The following THRB variants were observed in gnomAD, a reference collection of about 807,000 sequenced individuals.
THRB encodes the protein nuclear receptor subfamily 1 group A member 2.
Under a neutral mutation model 47.8 loss-of-function variants are expected in THRB, and 12 were observed. That is an observed-to-expected ratio of 0.25 (90% CI 0.16 to 0.41). THRB has a LOEUF of 0.41. Among genes scored for constraint, THRB ranks in the 10% least tolerant of loss-of-function variants. The probability of loss-of-function intolerance (pLI) is 1.00; values close to 1 mark genes in which losing one functional copy is unlikely to be tolerated. For synonymous variants in THRB, 218 were observed against 212.2 expected, an observed-to-expected ratio of 1.03 and a Z score of -0.24; for missense variants, 348 against 589.2, an observed-to-expected ratio of 0.59 and a Z score of 4.24.
intron 2 of THRB, among the ~76,000 whole-genome samples, chr3:24,328,684 C>T (rs1252424512): frequency 2.6e-5 from 4 of 152,182 alleles, no homozygotes; most frequent in Admixed American, 1.3e-4. Flanking sequence ...ACTGCCCTAG[C>T]GCAGCCCTCA....
At chr3:24,366,714 G>C (rs558216588) in intron 1 of THRB, among the ~76,000 whole-genome samples, 2 of 148,470 alleles carry the variant, frequency 1.3e-5, no homozygotes, top group African/African-American at 5.0e-5. Flanking sequence ...TCAGCCTCCC[G>C]GGTTCAAGCA....
At chr3:24,391,787 T>C (rs1303707134) in intron 1 of THRB, among the ~76,000 whole-genome samples, 1 of 152,170 alleles carries the variant, frequency 6.6e-6, no homozygotes, top group Non-Finnish European at 1.5e-5. Flanking sequence ...ATTGTCATCA[T>C]CATCACCATT....
chr3:24,221,783 G>T (rs368846550), intron 4 of THRB, among the ~76,000 whole-genome samples: 69 of 152,312 alleles, frequency 4.5e-4, no homozygotes, highest in Non-Finnish European at 8.2e-4. Flanking sequence ...TCTAAGAGTT[G>T]CTGGGAGATT....
At chr3:24,414,586 C>T (rs2068589450) in intron 1 of THRB, among the ~76,000 whole-genome samples, 1 of 151,832 alleles carries the variant, frequency 6.6e-6, no homozygotes, top group Non-Finnish European at 1.5e-5. Context: ...AATATTGCCG[C>T]TTCAGGATAT....
chr3:24,296,922 CA>C (rs1388259942), intron 3 of THRB, among the ~76,000 whole-genome samples: 1 of 152,190 alleles, frequency 6.6e-6, no homozygotes, highest in Non-Finnish European at 1.5e-5. Flanking sequence ...TAAAATGATT[CA>C]AACTTTGGGT....
At chr3:24,297,719 C>T (rs1416660530) in intron 2 of THRB, among the ~76,000 whole-genome samples, 1 of 152,212 alleles carries the variant, frequency 6.6e-6, no homozygotes, top group East Asian at 1.9e-4. Context: ...TTTTAGAGAG[C>T]TGTTCCACAC....
At position 24,117,888 on chromosome 3, in the gene THRB, A is replaced by G. The variant is rs981440598; in HGVS notation, c.*4996T>C. 1.1e-4 allele frequency: 17 copies of G among 152,236 alleles called. No individual in the cohort carries two copies. The highest frequency in any genetic ancestry group is 2.1e-4 in the Non-Finnish European group (14 of 68,044). 9.4% of individuals were successfully genotyped at this position (152,236 alleles called of 1,614,324 possible). On this transcript the variant is annotated 3_prime_UTR_variant, in exon 11 of 11. Coordinates refer to ENST00000646209, the MANE Select transcript of THRB (RefSeq NM_001354712.2). Reference sequence around the variant, plus strand: ...ATATATGTTGGCAGCTGATGTTAACATAATTCCATTAGTAATATTCCTGAA... The same window carrying G: ...ATATATGTTGGCAGCTGATGTTAACGTAATTCCATTAGTAATATTCCTGAA...
At chr3:24,425,924 A>G (rs2069716080) in intron 1 of THRB, among the ~76,000 whole-genome samples, 1 of 151,980 alleles carries the variant, frequency 6.6e-6, no homozygotes, top group Non-Finnish European at 1.5e-5. Flanking sequence ...AGAGTTAAGC[A>G]CACAGATTTC....
intron 1 of THRB, among the ~76,000 whole-genome samples, chr3:24,341,584 T>C (rs1478538345): frequency 6.6e-6 from 1 of 152,152 alleles, no homozygotes; most frequent in African/African-American, 2.4e-5. Flanking sequence ...ATAGGCACAA[T>C]ACTTTACCCC....
At chr3:24,218,337 TCTC>T (rs1330141255) in intron 4 of THRB, among the ~76,000 whole-genome samples, 307 of 108,174 alleles carry the variant, frequency 2.8e-3, no homozygotes, top group Admixed American at 4.1e-3. Context: ...TCTCTCTCTC[TCTC>T]TCTTTTTTTT....
chr3:24,207,645 T>C (rs547402935), intron 4 of THRB, among the ~76,000 whole-genome samples: 34 of 152,182 alleles, frequency 2.2e-4, no homozygotes, highest in African/African-American at 7.2e-4. Context: ...AATCATATAG[T>C]GCAGAAACCC....
Position 24,127,737 on chromosome 3 carries a change from G to T in THRB, c.906C>A (p.Ile302=). 6.2e-7 allele frequency: 1 copy of T among 1,614,214 alleles called. No homozygotes were observed. The highest frequency in any genetic ancestry group is 2.2e-5 in the East Asian group (1 of 44,878). ...MFCELPCEDQ[I]ILLKGCCMEI... The stretch of plus-strand genomic sequence containing the variant: ...CCATGCAGCAGCCTTTGAGGAGGAT[G>T]ATCTGGTCTTCACATGGCAGCTGAA... Residue 302 remains isoleucine (I), a synonymous_variant, in exon 10 of 11, where the codon ATC becomes ATA. Coordinates refer to ENST00000646209, the MANE Select transcript of THRB (RefSeq NM_001354712.2).
At chr3:24,146,859 T>C in intron 6 of THRB, 37 bp from the exon 7 acceptor site, 1 of 1,603,066 alleles carries the variant, frequency 6.2e-7, no homozygotes. Flanking sequence ...AACAGTTTCA[T>C]ATTTTCTTGA....
At chr3:24,347,849 G>C (rs1157243481) in intron 1 of THRB, among the ~76,000 whole-genome samples, 1 of 152,000 alleles carries the variant, frequency 6.6e-6, no homozygotes, top group Non-Finnish European at 1.5e-5. Flanking sequence ...TACTCACACA[G>C]TATTCTCTGG....
intron 1 of THRB, among the ~76,000 whole-genome samples, chr3:24,438,083 A>G (rs2071152123): frequency 4.4e-5 from 1 of 22,472 alleles, no homozygotes; most frequent in Admixed American, 9.2e-4. Flanking sequence ...TGGGGCAGGC[A>G]CAATTTTTTT....
chr3:24,376,858 T>TA (rs994679942), intron 1 of THRB, among the ~76,000 whole-genome samples: 4 of 152,144 alleles, frequency 2.6e-5, no homozygotes, highest in African/African-American at 9.6e-5. Context: ...CACCATAAAA[T>TA]AAAAAATTAC....
chr3:24,233,591 G>GAAAGAAAAAT (rs1559684327), intron 3 of THRB, among the ~76,000 whole-genome samples: 6 of 69,316 alleles, frequency 8.7e-5, no homozygotes, highest in Non-Finnish European at 1.8e-4. Context: ...AAGAAAGAAA[G>GAAAGAAAAAT]AAAGAAAGAA....
At chr3:24,377,138 TCTTA>T (rs533537213) in intron 1 of THRB, among the ~76,000 whole-genome samples, 131 of 152,160 alleles carry the variant, frequency 8.6e-4, no homozygotes, top group Non-Finnish European at 1.6e-3. Context: ...TAGAGATGGG[TCTTA>T]CTTTGTTGCC....
chr3:24,458,054 C>G (rs2073352829), intron 1 of THRB: 1 of 151,750 alleles, frequency 6.6e-6, no homozygotes, highest in Non-Finnish European at 1.5e-5. Flanking sequence ...CTGACAAGTC[C>G]CCAGGGGAAG....
Sources: allele counts gnomAD v4.1 joint callset (sites outside exome capture counted in the v4.1 genomes callset), GRCh38; gene constraint gnomAD v4.1.1; transcripts MANE v1.5; gene names NCBI Gene and HGNC (gene_info 2026-07-23, HGNC 2026-07-21).